MEGF6: variants seen among roughly 807,000 people sequenced by gnomAD.
MEGF6 encodes multiple EGF like domains 6.
A neutral mutation model predicts 207.1 loss-of-function variants in MEGF6; 184 were observed. The observed-to-expected ratio is 0.89, with a 90% CI of 0.79 to 1.00. The LOEUF is 1.00. MEGF6 is among the 50% of genes least tolerant of loss of function. MEGF6 has a pLI of 0.00. For synonymous variants in MEGF6, 1,038 were observed against 910.0 expected, an observed-to-expected ratio of 1.14 and a Z score of -2.53; for missense variants, 2,282 against 2,202.9, an observed-to-expected ratio of 1.04 and a Z score of -0.72.
At chr1:3,623,712 C>T in the MEGF6 span, among the ~76,000 whole-genome samples, 4 of 152,222 alleles carry the variant, frequency 2.6e-5, no homozygotes, top group Non-Finnish European at 5.9e-5. Flanking sequence ...TTTCTGCCAG[C>T]GCCCATGCAA....
Position 3,497,275 on chromosome 1 carries a change from A to C in MEGF6, c.3439T>G (p.Cys1147Gly). 6.5e-7 allele frequency: 1 copy of C among 1,548,932 alleles called. No homozygotes were observed. Among genetic ancestry groups the C allele is most frequent in the Admixed American group, 2.1e-5 (1 of 48,584 alleles). The stretch of plus-strand genomic sequence containing the variant: ...CCAGTGAAGCCAGGGGGACAGCGGC[A>C]GGCCCCAGTGACGTGGTGGCAGGCA... Reference protein sequence around the residue: ...GAACHHVTGACRCPPGFTGSG... With the variant: ...GAACHHVTGAGRCPPGFTGSG... The change falls in exon 27 of 37, where the codon TGC (cysteine) becomes GGC (glycine). Residue 1147 changes from cysteine to glycine, a missense_variant. Cys to Gly is a radical substitution (Grantham distance 159, BLOSUM62 -3). Transcript: ENST00000356575.
At chr1:3,554,567 C>G (rs2101608739) in intron 4 of MEGF6, among the ~76,000 whole-genome samples, 1 of 152,308 alleles carries the variant, frequency 6.6e-6, no homozygotes, top group South Asian at 2.1e-4. Context: ...GCTTAAACAA[C>G]AGAAGCCTCT....
intron 4 of MEGF6, among the ~76,000 whole-genome samples, chr1:3,536,930 C>T (rs1642348973): frequency 2.6e-5 from 4 of 152,278 alleles, no homozygotes; most frequent in African/African-American, 7.2e-5. Context: ...TGCTCACCTC[C>T]GACACCCGCT....
At chr1:3,618,400 G>A in the MEGF6 span, among the ~76,000 whole-genome samples, 7 of 152,220 alleles carry the variant, frequency 4.6e-5, no homozygotes, top group South Asian at 4.2e-4. This position sits in a 1 kb window ranked among gnomAD's most constrained non-coding sequence, Gnocchi z 4.7. Context: ...CTGGATCCAC[G>A]GCCGAGAGAC....
At chr1:3,593,064 C>T (rs566040424) in intron 3 of MEGF6, among the ~76,000 whole-genome samples, 1 of 152,306 alleles carries the variant, frequency 6.6e-6, no homozygotes, top group Non-Finnish European at 1.5e-5. Flanking sequence ...TCTAAGGCTC[C>T]AGGGTCCCAC....
intron 3 of MEGF6, among the ~76,000 whole-genome samples, chr1:3,583,277 C>T (rs1643844457): frequency 6.6e-6 from 1 of 151,238 alleles, no homozygotes; most frequent in South Asian, 2.1e-4. Flanking sequence ...CCCACAGCCA[C>T]CAGACAACCC....
chr1:3,578,928 C>CACCCAGCTCAGAACTCTGGGGAGACCCAG (rs1557791112), intron 4 of MEGF6, among the ~76,000 whole-genome samples: 2 of 152,170 alleles, frequency 1.3e-5, no homozygotes, highest in Non-Finnish European at 2.9e-5. Flanking sequence ...GCAGGGGTGT[C>CACCCAGCTCAGAACTCTGGGGAGACCCAG]CTTCACAAAC....
chr1:3,531,473 A>G (rs1642169317), intron 4 of MEGF6: 2 of 1,075,896 alleles, frequency 1.9e-6, no homozygotes, highest in East Asian at 1.3e-4. Flanking sequence ...CCCGCAGGTA[A>G]AGGCCAAGTC....
At chr1:3,539,606 G>A (rs1360798439) in intron 4 of MEGF6, among the ~76,000 whole-genome samples, 2 of 152,124 alleles carry the variant, frequency 1.3e-5, no homozygotes, top group African/African-American at 2.4e-5. Context: ...GGGCACAATC[G>A]CCCCAACCTC....
Position 3,556,550 on chromosome 1 carries a change from C to G in MEGF6, c.481+23275G>C, listed in dbSNP as rs1395715559. 6.6e-6 allele frequency among the ~76,000 whole-genome samples: 1 copy of G among 152,092 alleles called. No homozygotes were observed. Among genetic ancestry groups the G allele is most frequent in the Admixed American group, 6.5e-5 (1 of 15,274 alleles). ...GCTTCCCACTCCAGTGAGTCAGGAG[C>G]GGGTCACAGAGGCTGCAGCAGCGGA... On this transcript the variant is annotated intron_variant, in intron 4 of 36. Coordinates refer to ENST00000356575, the MANE Select transcript of MEGF6 (RefSeq NM_001409.4). The surrounding 1 kb of genome is among the most constrained non-coding windows in gnomAD (Gnocchi z 4.4).
intron 25 of MEGF6, 56 bp from the exon 26 acceptor site, chr1:3,498,555 A>T (rs1342251004): frequency 6.6e-7 from 1 of 1,506,634 alleles, no homozygotes; most frequent in Non-Finnish European, 8.9e-7. Context: ...GGCCCAGGAG[A>T]CCCTGACCCA....
chr1:3,509,851 C>T lies in MEGF6; in HGVS notation c.1357+19G>A, dbSNP rs376595464. On this transcript the variant is annotated intron_variant, in intron 11 of 36. Coordinates refer to ENST00000356575, the MANE Select transcript of MEGF6 (RefSeq NM_001409.4). ...CGAGAAGGCAGAGGCCGGTGCTCCG[C>T]GGAGGGCGGGAGACTCACGGCTGCA... 1.8e-4 allele frequency: 270 copies of T among 1,538,952 alleles called. No individual in the cohort carries two copies. The highest frequency in any genetic ancestry group is 2.2e-4 in the Non-Finnish European group (248 of 1,141,368).
At chr1:3,595,500 C>T (rs540763651) in intron 2 of MEGF6, 53 bp from the exon 3 acceptor site, 63 of 1,465,702 alleles carry the variant, frequency 4.3e-5, no homozygotes, top group Middle Eastern at 3.5e-4. Flanking sequence ...TGGCTGTATT[C>T]GGCTCTCACT....
At chr1:3,584,336 CT>C (rs746276564) in intron 3 of MEGF6, among the ~76,000 whole-genome samples, 1 of 152,234 alleles carries the variant, frequency 6.6e-6, no homozygotes, top group Non-Finnish European at 1.5e-5. Context: ...AGGTGAAGAC[CT>C]TGGGCCACTT....
intron 1 of MEGF6, among the ~76,000 whole-genome samples, chr1:3,609,309 G>C (rs1160619595): frequency 1.3e-5 from 2 of 152,196 alleles, no homozygotes; most frequent in Non-Finnish European, 2.9e-5. Flanking sequence ...GACCTCTCCA[G>C]GGTCCAGCGC....
Position 3,524,206 on chromosome 1 carries a change from G to A in MEGF6, c.522C>T (p.His174=). The A allele has an allele frequency of 1.2e-6, 2 of 1,612,858 alleles. No individual in the cohort carries two copies. Among genetic ancestry groups the A allele is most frequent in the Non-Finnish European group, 8.5e-7 (1 of 1,179,778 alleles). The change falls in exon 5 of 37, where the codon CAC becomes CAT. Residue 174 remains histidine (H), a synonymous_variant. Transcript: ENST00000356575. The part of the protein sequence containing the change: ...ECRTHNGGCQ[H]RCVNTPGSYL... ...AGGAGCCTGGGGTGTTCACGCACCG[G>A]TGCTGGCAGCCACCGTTGTGGGTTC... is the stretch of plus-strand genomic sequence containing the variant.
rs576830174 is a variant in MEGF6, at chr1:3,605,375, ACACT to A, written c.132-2779_132-2776del. On this transcript the variant is annotated intron_variant, in intron 1 of 36. Coordinates refer to ENST00000356575, the MANE Select transcript of MEGF6 (RefSeq NM_001409.4). ...CACGCACGTTCACACACACTCAATCACACTCACTACCATACCCACAATTACATAC... is the reference window on the plus strand; with the variant it reads ...CACGCACGTTCACACACACTCAATCACACTACCATACCCACAATTACATAC... Among the ~76,000 whole-genome samples, 212 of 151,454 alleles carry A rather than the reference ACACT, an allele frequency of 1.4e-3. 2 individuals carry two copies. Among genetic ancestry groups the A allele is most frequent in the African/African-American group, 4.3e-3 (179 of 41,318 alleles).
chr1:3,541,586 C>T (rs1174703033), intron 4 of MEGF6, among the ~76,000 whole-genome samples: 1 of 152,192 alleles, frequency 6.6e-6, no homozygotes, highest in African/African-American at 2.4e-5. Flanking sequence ...GCCTGGGCTC[C>T]GCGGGAGAGG....
chr1:3,490,477 G>A lies in MEGF6; in HGVS notation c.*51C>T. 4.4e-6 allele frequency: 7 copies of A among 1,600,016 alleles called. No homozygotes were observed. The highest frequency in any genetic ancestry group is 6.0e-6 in the Non-Finnish European group (7 of 1,170,368). On this transcript the variant is annotated 3_prime_UTR_variant, in exon 37 of 37. Transcript: ENST00000356575. ...CCTTCTCAGTGGTCACCAAAGGCCA[G>A]GGTCCCCTCTGGCTGGGACTGGAGA...
Sources: allele counts gnomAD v4.1 joint callset (sites outside exome capture counted in the v4.1 genomes callset), GRCh38; gene constraint gnomAD v4.1.1; non-coding constraint Gnocchi (gnomAD v3.1); transcripts MANE v1.5; gene names NCBI Gene and HGNC (gene_info 2026-07-23, HGNC 2026-07-21).